The following B4GALT6 variants were observed in gnomAD, a reference collection of about 807,000 sequenced individuals.
B4GALT6 encodes the protein UDP-Gal:beta-GlcNAc beta-1,4-galactosyltransferase 6.
Under a neutral mutation model 46.3 loss-of-function variants are expected in B4GALT6, and 14 were observed. The ratio of observed to expected loss-of-function variants is 0.30; its 90% CI spans 0.20 to 0.47. The LOEUF is 0.47. Ranked by LOEUF, B4GALT6 falls within the 20% of genes least tolerant of loss-of-function variation. The pLI is 0.99. For synonymous variants in B4GALT6, 168 were observed against 162.0 expected (o/e 1.04, Z -0.28); for missense variants, 386 against 480.1 (o/e 0.80, Z 1.83).
At chr18:31,688,456 T>G (rs2030005794), upstream of B4GALT6, among the ~76,000 whole-genome samples, 1 of 151,794 alleles carries the variant, frequency 6.6e-6, no homozygotes. Flanking sequence ...TAAAGCCAAA[T>G]TTTAATAATT....
chr18:31,649,039 T>G (rs762659715), intron 3 of B4GALT6, among the ~76,000 whole-genome samples: 6 of 152,256 alleles, frequency 3.9e-5, no homozygotes, highest in Middle Eastern at 3.4e-3. Context: ...TAGGGTAAAT[T>G]CCTCTCCAAA....
intron 3 of B4GALT6, among the ~76,000 whole-genome samples, chr18:31,654,361 T>A (rs1429100234): frequency 6.6e-6 from 1 of 152,226 alleles, no homozygotes; most frequent in Non-Finnish European, 1.5e-5. Context: ...TTTACTTTGT[T>A]AGCACAAAGA....
At chr18:31,662,550 C>A (rs950771626) in intron 2 of B4GALT6, among the ~76,000 whole-genome samples, 42 of 152,140 alleles carry the variant, frequency 2.8e-4, no homozygotes, top group African/African-American at 9.9e-4. Context: ...CTGTAATAAA[C>A]CCACAAAATT....
chr18:31,700,460 T>TGTGTGTGA, the B4GALT6 span, among the ~76,000 whole-genome samples: 13 of 147,134 alleles, frequency 8.8e-5, no homozygotes, highest in Middle Eastern at 3.4e-3. Flanking sequence ...TGTGTGTGTG[T>TGTGTGTGA]GTGTGTGTGA....
At chr18:31,706,518 C>G in the B4GALT6 span, among the ~76,000 whole-genome samples, 2 of 152,098 alleles carry the variant, frequency 1.3e-5, no homozygotes, top group Non-Finnish European at 2.9e-5. Context: ...GTAATCCCAG[C>G]TACTGGGGTG....
intron 3 of B4GALT6, among the ~76,000 whole-genome samples, chr18:31,653,071 A>C (rs1294508476): frequency 6.6e-6 from 1 of 150,562 alleles, no homozygotes; most frequent in African/African-American, 2.4e-5. Flanking sequence ...CTGTCACCTG[A>C]GAGAAATGCA....
upstream of B4GALT6, among the ~76,000 whole-genome samples, chr18:31,687,545 T>A (rs973569162): frequency 9.9e-5 from 15 of 152,190 alleles, no homozygotes; most frequent in Admixed American, 9.2e-4. Context: ...AGGAGCCAAG[T>A]AAGCCCCATA....
rs869030382 is a variant in B4GALT6 at position 31,629,447 on chromosome 18, A to ATTTT, written c.776+1508_776+1511dup. On this transcript the variant is annotated intron_variant, in intron 6 of 8. Coordinates refer to ENST00000306851, the MANE Select transcript of B4GALT6 (RefSeq NM_004775.5). ...ATTCTTAGTTTATATGCCCTTTATG[A>ATTTT]TTTTTTTTTTTTTTTTTTTTTTTTT... Among the ~76,000 whole-genome samples, 25 of 32,880 alleles carry ATTTT rather than the reference A, an allele frequency of 7.6e-4. 8 individuals carry two copies. Among genetic ancestry groups the ATTTT allele is most frequent in the Non-Finnish European group, 1.1e-3 (19 of 16,678 alleles). The allele number at this position is 32,880 out of a possible 152,430, so 21.6% of individuals were successfully genotyped here.
chr18:31,714,142 G>A, the B4GALT6 span, among the ~76,000 whole-genome samples: 30 of 152,286 alleles, frequency 2.0e-4, no homozygotes, highest in Middle Eastern at 3.4e-3. Context: ...TTAATTAAGT[G>A]TAAATAAAAT....
chr18:31,651,566 T>C (rs550330193), intron 3 of B4GALT6, among the ~76,000 whole-genome samples: 2 of 152,202 alleles, frequency 1.3e-5, no homozygotes, highest in East Asian at 1.9e-4. Flanking sequence ...CCTGCTTTAC[T>C]AGGAAAACAG....
chr18:31,651,853 C>T (rs2074072845), intron 3 of B4GALT6, among the ~76,000 whole-genome samples: 1 of 152,172 alleles, frequency 6.6e-6, no homozygotes. Context: ...TCACTGCCAG[C>T]TCCACCTCCT....
At chr18:31,700,673 G>A in the B4GALT6 span, among the ~76,000 whole-genome samples, 1 of 151,968 alleles carries the variant, frequency 6.6e-6, no homozygotes, top group South Asian at 2.1e-4. Flanking sequence ...AGCCAGGATA[G>A]TCTCGATCTT....
chr18:31,672,116 G>C (rs1023740094), intron 1 of B4GALT6, among the ~76,000 whole-genome samples: 1 of 152,218 alleles, frequency 6.6e-6, no homozygotes, highest in African/African-American at 2.4e-5. Flanking sequence ...AAGATAAGAA[G>C]AACATGCCTG....
At chr18:31,646,230 GT>G (rs1413800032) in intron 3 of B4GALT6, among the ~76,000 whole-genome samples, 1 of 152,202 alleles carries the variant, frequency 6.6e-6, no homozygotes. Context: ...GGTATTCCTG[GT>G]CTAACAGGCA....
chr18:31,650,628 G>A (rs2074053032), intron 3 of B4GALT6, among the ~76,000 whole-genome samples: 8 of 152,186 alleles, frequency 5.3e-5, no homozygotes, highest in Admixed American at 4.6e-4. Flanking sequence ...AGCCACCCAG[G>A]TTGTCTCTGG....
chr18:31,697,794 T>A, the B4GALT6 span, among the ~76,000 whole-genome samples: 1 of 152,158 alleles, frequency 6.6e-6, no homozygotes, highest in Non-Finnish European at 1.5e-5. Flanking sequence ...GGTTGATGGG[T>A]TTTTTTCCCC....
the B4GALT6 span, among the ~76,000 whole-genome samples, chr18:31,699,639 A>G: frequency 1.4e-5 from 2 of 142,416 alleles, no homozygotes; most frequent in Admixed American, 6.8e-5. Context: ...CTTCCTGGAA[A>G]AAAAAAAAAA....
chr18:31,717,878 C>T, the B4GALT6 span, among the ~76,000 whole-genome samples: 9 of 146,606 alleles, frequency 6.1e-5, no homozygotes, highest in Admixed American at 1.4e-4. Context: ...CACTTGAACC[C>T]GGGAGGCGGA....
At chr18:31,628,036 G>A (rs940775523) in intron 6 of B4GALT6, among the ~76,000 whole-genome samples, 4 of 152,214 alleles carry the variant, frequency 2.6e-5, no homozygotes, top group African/African-American at 9.7e-5. Context: ...TTAGACACTC[G>A]CCTCACATTC....
Sources: allele counts gnomAD v4.1 joint callset (sites outside exome capture counted in the v4.1 genomes callset), GRCh38; gene constraint gnomAD v4.1.1; transcripts MANE v1.5; gene names NCBI Gene and HGNC (gene_info 2026-07-23, HGNC 2026-07-21).